The following FAT4 variants were observed in gnomAD, a reference collection of about 807,000 sequenced individuals.
The protein encoded by FAT4 is protocadherin Fat 4.
FAT4 carries 84 observed loss-of-function variants against 303.9 expected under a neutral mutation model. The observed-to-expected ratio is 0.28, with a 90% CI of 0.23 to 0.33. The LOEUF (loss-of-function observed/expected upper bound fraction) is 0.33, where lower values mean the gene tolerates loss of function less well. Among genes scored for constraint, FAT4 ranks in the 10% least tolerant of loss-of-function variants. The pLI is 1.00. For missense variants in FAT4, 6,005 were observed against 6,146.8 expected (o/e 0.98, Z 0.77); for synonymous variants, 2,307 against 2,298.8 (o/e 1.00, Z -0.10).
rs1277663930 is a variant in FAT4 at position 125,316,664 on chromosome 4, A to G, written c.253A>G (p.Ser85Gly). The G allele has an allele frequency of 1.2e-6, 2 of 1,613,710 alleles. No individual in the cohort carries two copies. Among genetic ancestry groups the G allele is most frequent in the Non-Finnish European group, 1.7e-6 (2 of 1,180,032 alleles). ...AAGCCACGCCCTGTTTGCCATAAAC[A>G]GTAGCACCGGAGCCCTGTACACCAC... ...SESHALFAINSSTGALYTTST... is the reference protein window; with the variant it reads ...SESHALFAINGSTGALYTTST... Residue 85 changes from serine to glycine, a missense_variant, in exon 2 of 18, where the codon AGT becomes GGT. Transcript: ENST00000394329. This position sits in a 1 kb window ranked among gnomAD's most constrained non-coding sequence, Gnocchi z 5.7.
chr4:125,414,812 TA>T, intron 5 of FAT4, 71 bp from the exon 6 acceptor site: 3 of 1,040,638 alleles, frequency 2.9e-6, no homozygotes, highest in Non-Finnish European at 4.3e-6. Context: ...AATTACTTGC[TA>T]AAAGTTTTGG....
intron 8 of FAT4, among the ~76,000 whole-genome samples, chr4:125,443,763 C>T (rs555479248): frequency 2.6e-5 from 4 of 152,004 alleles, no homozygotes; most frequent in African/African-American, 9.7e-5. Context: ...TTTAACTTTA[C>T]AAAAATTAAT....
At chr4:125,471,936 G>T (rs1267698799) in intron 12 of FAT4, among the ~76,000 whole-genome samples, 2 of 132,750 alleles carry the variant, frequency 1.5e-5, no homozygotes, top group Non-Finnish European at 3.2e-5. Flanking sequence ...AATTAGCCCG[G>T]CATAGCGGTG....
At chr4:125,479,948 T>A in intron 15 of FAT4, 83 bp downstream of exon 15, 1 of 1,070,928 alleles carries the variant, frequency 9.3e-7, no homozygotes, top group Non-Finnish European at 1.3e-6. Context: ...GTAATCAAAT[T>A]AAAAATTATG....
intron 8 of FAT4, chr4:125,446,079 T>C (rs973227390): frequency 8.2e-5 from 36 of 438,022 alleles, no homozygotes; most frequent in Non-Finnish European, 1.2e-4. Flanking sequence ...TTCCTTGACA[T>C]CACTGGACAT....
At position 125,319,659 on chromosome 4, in the gene FAT4, C is replaced by T; in HGVS notation, c.3248C>T (p.Thr1083Ile). 6.2e-7 allele frequency: 1 copy of T among 1,613,986 alleles called. No individual in the cohort carries two copies. Among genetic ancestry groups the T allele is most frequent in the Non-Finnish European group, 8.5e-7 (1 of 1,179,870 alleles). The change falls in exon 2 of 18, where the codon ACT becomes ATT. Residue 1083 changes from threonine to isoleucine, a missense_variant. Coordinates refer to ENST00000394329, the MANE Select transcript of FAT4 (RefSeq NM_001291303.3). ...AGAGCAGTGGAACCCCTTAGTGCTA[C>T]TGTGAATGTTACTGTAATTTTAGAA... ...SDRAVEPLSA[T>I]VNVTVILEDV...
rs535768730 is a variant in FAT4 at position 125,434,893 on chromosome 4, G to T, written c.7199+468G>T. ...TTTAGCAAAGTAGTTGGACTTTTTA[G>T]TTGGTGGTTCTCAACTCCAAGAGCC... is the stretch of plus-strand genomic sequence containing the variant. On this transcript the variant is annotated intron_variant, in intron 8 of 17. Coordinates refer to ENST00000394329, the MANE Select transcript of FAT4 (RefSeq NM_001291303.3). 1.4e-4 allele frequency among the ~76,000 whole-genome samples: 21 copies of T among 152,276 alleles called. 1 individual carries two copies. The South Asian group carries it at 2.5e-3, about 18-fold the overall frequency.
chr4:125,491,578 T>C lies in FAT4; in HGVS notation c.14762T>C (p.Met4921Thr), dbSNP rs1264855798. The change falls in exon 18 of 18, where the codon ATG becomes ACG. Residue 4921 changes from methionine (M) to threonine (T), a missense_variant. Transcript: ENST00000394329. ...APGTADNTLP[M>T]KLGQQAGTFN... ...GGCACTGCTGACAACACACTGCCCA[T>C]GAAGCTAGGGCAGCAAGCAGGGACT... 6.2e-7 allele frequency: 1 copy of C among 1,614,160 alleles called. No homozygotes were observed. The highest frequency in any genetic ancestry group is 8.5e-7 in the Non-Finnish European group (1 of 1,180,018).
chr4:125,320,321 G>A lies in FAT4; in HGVS notation c.3910G>A (p.Asp1304Asn). The A allele has an allele frequency of 6.2e-7, 1 of 1,613,216 alleles. No homozygotes were observed. The highest frequency in any genetic ancestry group is 8.5e-7 in the Non-Finnish European group (1 of 1,179,276). ...PLNSTCTLNI[D>N]ILDENDNTPS... ...CAATTCAACGTGTACTTTAAATATTGATATTTTAGATGAAAATGACAATAC... is the reference window on the plus strand; with the variant it reads ...CAATTCAACGTGTACTTTAAATATTAATATTTTAGATGAAAATGACAATAC... Residue 1304 changes from aspartate (D) to asparagine (N), a missense_variant, in exon 2 of 18, where the codon GAT (aspartate) becomes AAT (asparagine). Transcript: ENST00000394329.
intron 12 of FAT4, among the ~76,000 whole-genome samples, chr4:125,475,546 A>G (rs1726997666): frequency 6.6e-6 from 1 of 152,134 alleles, no homozygotes; most frequent in Non-Finnish European, 1.5e-5. Context: ...AAAGTGATCT[A>G]CAGTAATACA....
At chr4:125,468,289 A>C (rs1216706743) in intron 11 of FAT4, among the ~76,000 whole-genome samples, 2 of 152,216 alleles carry the variant, frequency 1.3e-5, no homozygotes, top group African/African-American at 4.8e-5. Context: ...TAATTAGACA[A>C]TGAAAAATAA....
At chr4:125,419,303 T>C (rs1333727597) in intron 7 of FAT4, among the ~76,000 whole-genome samples, 1 of 152,208 alleles carries the variant, frequency 6.6e-6, no homozygotes, top group Non-Finnish European at 1.5e-5. Context: ...TCATAGATCA[T>C]TTCACAATTG....
chr4:125,398,570 T>C (rs1237520620), intron 2 of FAT4, among the ~76,000 whole-genome samples: 1 of 152,154 alleles, frequency 6.6e-6, no homozygotes, highest in Non-Finnish European at 1.5e-5. Context: ...CAGTTACTTA[T>C]CAACAAGGCA....
intron 2 of FAT4, among the ~76,000 whole-genome samples, chr4:125,389,155 T>C (rs1262424067): frequency 6.6e-6 from 1 of 152,154 alleles, no homozygotes; most frequent in South Asian, 2.1e-4. Context: ...TCATTCCTAA[T>C]ATTCCAGAAT....
rs1489778170 is a variant in FAT4 at position 125,450,584 on chromosome 4, A to G, written c.9574A>G (p.Asn3192Asp). The change falls in exon 10 of 18, where the codon AAT (asparagine) becomes GAT (aspartate). Residue 3192 changes from asparagine (N) to aspartate (D), a missense_variant. Physicochemically the swap from Asn to Asp is conservative, Grantham distance 23. Transcript: ENST00000394329. ...CGTAAATGTGATTGATGTGAATGATAATTCTCCAGTATTCCTCTCTGATGA... is the reference window on the plus strand; with the variant it reads ...CGTAAATGTGATTGATGTGAATGATGATTCTCCAGTATTCCTCTCTGATGA... ...VTVNVIDVNDNSPVFLSDDYF... is the reference protein window; with the variant it reads ...VTVNVIDVNDDSPVFLSDDYF... 1 of 1,614,122 alleles carries G rather than the reference A, an allele frequency of 6.2e-7. No homozygotes were observed. Among genetic ancestry groups the G allele is most frequent in the Non-Finnish European group, 8.5e-7 (1 of 1,180,010 alleles).
chr4:125,435,744 G>A (rs903447958), intron 8 of FAT4, among the ~76,000 whole-genome samples: 9 of 152,020 alleles, frequency 5.9e-5, no homozygotes, highest in Non-Finnish European at 1.3e-4. Flanking sequence ...CCATATACAG[G>A]CCATATATGT....
At chr4:125,440,947 C>T (rs1725641742) in intron 8 of FAT4, among the ~76,000 whole-genome samples, 1 of 152,116 alleles carries the variant, frequency 6.6e-6, no homozygotes, top group African/African-American at 2.4e-5. Context: ...CATGTTTCTT[C>T]TTTTCTAATG....
intron 2 of FAT4, among the ~76,000 whole-genome samples, chr4:125,376,277 G>A (rs1055459422): frequency 6.6e-6 from 1 of 152,054 alleles, no homozygotes; most frequent in South Asian, 2.1e-4. Context: ...TTTCCTTTTA[G>A]AAAAGGTCTT....
chr4:125,356,354 T>C (rs1253046096), intron 2 of FAT4, among the ~76,000 whole-genome samples: 1 of 152,084 alleles, frequency 6.6e-6, no homozygotes, highest in African/African-American at 2.4e-5. Flanking sequence ...TATGGATTTA[T>C]TGCATGTGTG....
Sources: gnomAD v4.1 joint callset for allele counts (sites outside exome capture counted in the v4.1 genomes callset) on GRCh38, gnomAD v4.1.1 for gene constraint, Gnocchi (gnomAD v3.1) non-coding constraint, MANE v1.5 for transcripts, NCBI Gene and HGNC (gene_info 2026-07-23, HGNC 2026-07-21) for gene names.